Variants in STXBP5L observed in about 807,000 individuals in gnomAD.
STXBP5L encodes syntaxin binding protein 5L, also known as syntaxin-binding protein 5-like.
A neutral mutation model predicts 144.5 loss-of-function variants in STXBP5L; 65 were observed. The ratio of observed to expected loss-of-function variants is 0.45; its 90% CI spans 0.37 to 0.55. The LOEUF (loss-of-function observed/expected upper bound fraction) is 0.55. Among genes scored for constraint, STXBP5L ranks in the 20% least tolerant of loss-of-function variants. STXBP5L has a pLI of 0.00. For missense variants in STXBP5L, 1,298 were observed against 1,405.5 expected, an observed-to-expected ratio of 0.92 and a Z score of 1.22; for synonymous variants, 505 against 469.6, an observed-to-expected ratio of 1.08 and a Z score of -0.97.
chr3:120,909,507 C>T, intron 1 of STXBP5L, 64 bp from the exon 2 acceptor site: 2 of 1,398,860 alleles, frequency 1.4e-6, no homozygotes, highest in South Asian at 1.4e-5. Flanking sequence ...AAGGCTTTTA[C>T]CAAGGTCTAA....
intron 20 of STXBP5L, among the ~76,000 whole-genome samples, chr3:121,350,502 G>A (rs1244566829): frequency 6.6e-6 from 1 of 152,024 alleles, no homozygotes; most frequent in East Asian, 1.9e-4. Context: ...TTGAATATTG[G>A]CCTGTCTTGC....
intron 20 of STXBP5L, among the ~76,000 whole-genome samples, chr3:121,347,369 T>C (rs1394308282): frequency 3.3e-5 from 5 of 152,212 alleles, no homozygotes; most frequent in African/African-American, 9.7e-5. Context: ...TGTAGTGTAG[T>C]TTGAAGTCAG....
At chr3:121,231,256 C>T (rs571321596) in intron 11 of STXBP5L, among the ~76,000 whole-genome samples, 1 of 152,296 alleles carries the variant, frequency 6.6e-6, no homozygotes, top group African/African-American at 2.4e-5. Context: ...CTGGTGGTGG[C>T]CAAGAGCCAC....
chr3:121,312,572 A>C (rs887893953), intron 19 of STXBP5L, among the ~76,000 whole-genome samples: 8 of 147,096 alleles, frequency 5.4e-5, no homozygotes, highest in Non-Finnish European at 1.2e-4. Flanking sequence ...AAGTGAACAA[A>C]GGTCTCTGGT....
intron 5 of STXBP5L, among the ~76,000 whole-genome samples, chr3:121,059,565 C>T (rs933134625): frequency 6.6e-5 from 10 of 152,112 alleles, no homozygotes; most frequent in African/African-American, 2.4e-4. Context: ...TTACTTTGGT[C>T]AGTATGGCCA....
At chr3:121,261,738 A>C (rs899414843) in intron 18 of STXBP5L, among the ~76,000 whole-genome samples, 1 of 152,200 alleles carries the variant, frequency 6.6e-6, no homozygotes, top group Non-Finnish European at 1.5e-5. Context: ...TTCAAAAGAA[A>C]CTAATAGCTA....
chr3:121,302,425 C>A (rs2051954671), intron 19 of STXBP5L, among the ~76,000 whole-genome samples: 1 of 151,990 alleles, frequency 6.6e-6, no homozygotes, highest in Non-Finnish European at 1.5e-5. Flanking sequence ...CTATTTGATT[C>A]TTTTCTCTTT....
intron 5 of STXBP5L, among the ~76,000 whole-genome samples, chr3:121,091,550 T>C (rs1379258229): frequency 6.6e-6 from 1 of 152,216 alleles, no homozygotes; most frequent in Non-Finnish European, 1.5e-5. Context: ...CATTTTTTCA[T>C]GTGTTTTTTG....
intron 3 of STXBP5L, among the ~76,000 whole-genome samples, chr3:121,009,583 A>G (rs1485542856): frequency 6.6e-6 from 1 of 151,900 alleles, no homozygotes; most frequent in Non-Finnish European, 1.5e-5. Context: ...GCGCATTCTT[A>G]TTTCTCCTCT....
intron 7 of STXBP5L, among the ~76,000 whole-genome samples, chr3:121,130,927 A>G (rs141467822): frequency 1.1e-4 from 16 of 152,212 alleles, no homozygotes; most frequent in Non-Finnish European, 2.2e-4. Flanking sequence ...TAGTCTTTAA[A>G]TCATATATCA....
intron 20 of STXBP5L, among the ~76,000 whole-genome samples, chr3:121,353,000 G>A (rs1279203476): frequency 6.6e-6 from 1 of 152,156 alleles, no homozygotes; most frequent in African/African-American, 2.4e-5. Flanking sequence ...ATTTGCGTAT[G>A]TTGAACCAGC....
chr3:121,386,075 A>AT (rs933058367), intron 22 of STXBP5L, among the ~76,000 whole-genome samples: 131 of 152,254 alleles, frequency 8.6e-4, no homozygotes, highest in African/African-American at 3.0e-3. Flanking sequence ...AAATTCACAC[A>AT]TTTTATCTCT....
intron 9 of STXBP5L, among the ~76,000 whole-genome samples, chr3:121,167,163 CAG>C (rs1043592204): frequency 6.6e-6 from 1 of 152,064 alleles, no homozygotes; most frequent in Non-Finnish European, 1.5e-5. Flanking sequence ...ATTACAAAAT[CAG>C]AACACATATC....
intron 3 of STXBP5L, among the ~76,000 whole-genome samples, chr3:120,993,121 T>G (rs923771004): frequency 6.6e-6 from 1 of 152,102 alleles, no homozygotes. Flanking sequence ...TCTGCCCTGG[T>G]CTTTTGCCCA....
Position 121,381,274 on chromosome 3 carries a change from TTTTTA to T in STXBP5L, c.2348-15_2348-11del, listed in dbSNP as rs752662360. On this transcript the variant is annotated splice_polypyrimidine_tract_variant and intron_variant, in intron 21 of 26. Coordinates refer to ENST00000471454, the MANE Select transcript of STXBP5L (RefSeq NM_001308330.2). ...ATATACTAACAATTTGTGTGGTTTT[TTTTTA>T]TTTATTTCCATAGAAAACCGAGAAA... The T allele has an allele frequency of 3.6e-5, 56 of 1,571,804 alleles. 1 individual carries two copies. Among genetic ancestry groups the T allele is most frequent in the South Asian group, 2.6e-4 (22 of 83,704 alleles).
In STXBP5L at chr3:121,101,222, C is replaced by T. The variant is rs372678772; in HGVS notation, c.471-13703C>T. Among the ~76,000 whole-genome samples the T allele has an allele frequency of 9.9e-5, 15 of 152,104 alleles. No individual in the cohort carries two copies. In the East Asian group the frequency reaches 1.7e-3, roughly 18 times the overall value. Reference sequence around the variant, plus strand: ...ATTCCAAAATTCAGGGAAGAGGGACCTCCTTTATTACTCATTTTATGAAGC... The same window carrying T: ...ATTCCAAAATTCAGGGAAGAGGGACTTCCTTTATTACTCATTTTATGAAGC... On this transcript the variant is annotated intron_variant, in intron 5 of 26. Coordinates refer to ENST00000471454, the MANE Select transcript of STXBP5L (RefSeq NM_001308330.2).
At chr3:121,100,967 C>G (rs937929523) in intron 5 of STXBP5L, among the ~76,000 whole-genome samples, 1 of 152,110 alleles carries the variant, frequency 6.6e-6, no homozygotes, top group Non-Finnish European at 1.5e-5. Context: ...ATGAACACCT[C>G]TATGCACACA....
intron 5 of STXBP5L, among the ~76,000 whole-genome samples, chr3:121,066,361 C>CATAT (rs1560083379): frequency 9.7e-6 from 1 of 103,594 alleles, no homozygotes; most frequent in African/African-American, 4.3e-5. Context: ...TTCCTATAAG[C>CATAT]GTATATATAT....
intron 3 of STXBP5L, among the ~76,000 whole-genome samples, chr3:121,003,662 C>A (rs911178112): frequency 2.0e-5 from 3 of 152,284 alleles, no homozygotes; most frequent in South Asian, 4.1e-4. Context: ...CCTAGGTTTT[C>A]TTCTAGGGTT....
Sources: allele counts gnomAD v4.1 joint callset (sites outside exome capture counted in the v4.1 genomes callset), GRCh38; gene constraint gnomAD v4.1.1; transcripts MANE v1.5; gene names NCBI Gene and HGNC (gene_info 2026-07-23, HGNC 2026-07-21).